The following ZNF717 variants were observed in gnomAD, a reference collection of about 807,000 sequenced individuals.
The protein encoded by ZNF717 is zinc finger protein 717.
Under a neutral mutation model 13.8 loss-of-function variants are expected in ZNF717, and 9 were observed. The observed-to-expected ratio is 0.65, with a 90% confidence interval of 0.39 to 1.14. ZNF717 has a LOEUF of 1.14. ZNF717 is among the 50% of genes most tolerant of loss of function. The probability of loss-of-function intolerance (pLI) is 0.01; values close to 1 mark genes in which losing one functional copy is unlikely to be tolerated. For synonymous variants in ZNF717, 327 were observed against 364.1 expected, an observed-to-expected ratio of 0.90 and a Z score of 1.16; for missense variants, 1,040 against 1,080.7, an observed-to-expected ratio of 0.96 and a Z score of 0.53.
chr3:75,760,653 C>A (rs7613500), intron 2 of ZNF717, among the ~76,000 whole-genome samples: 25,210 of 133,334 alleles, frequency 0.19, 2,032 homozygotes, highest in African/African-American at 0.2. Context: ...TGAAAAGAAG[C>A]GAGATCTCAA....
intron 2 of ZNF717, among the ~76,000 whole-genome samples, chr3:75,767,062 A>G (rs141413028): frequency 0.27 from 40,839 of 149,876 alleles, 1,885 homozygotes; most frequent in Non-Finnish European, 0.35. Flanking sequence ...ACAGAAGGTG[A>G]CAAAGGTGGT....
chr3:75,724,843 A>G (rs1310432773), intron 4 of ZNF717, among the ~76,000 whole-genome samples: 2 of 152,250 alleles, frequency 1.3e-5, no homozygotes, highest in Admixed American at 1.3e-4. Flanking sequence ...TTATGATAGA[A>G]AGAGTATTAT....
rs1257100650 is a variant in ZNF717, at chr3:75,738,027, T to C, written c.1596A>G (p.Glu532=). The change falls in exon 5 of 5, where the codon GAA becomes GAG. Residue 532 remains glutamate, a synonymous_variant. Transcript: ENST00000652011. ...CACATTCGTTACATGCGTATGGTTTTTCCCCAGCATGAGTTCTCTGATGGA... is the reference window on the plus strand; with the variant it reads ...CACATTCGTTACATGCGTATGGTTTCTCCCCAGCATGAGTTCTCTGATGGA... ...LTVHQRTHAG[E]KPYACNECGK... is the part of the protein sequence containing the mutation. 6.7e-6 allele frequency: 9 copies of C among 1,342,928 alleles called. No homozygotes were observed. The highest frequency in any genetic ancestry group is 4.9e-5 in the Admixed American group (2 of 40,414). 83.2% of individuals were successfully genotyped at this position (1,342,928 alleles called of 1,614,324 possible).
At chr3:75,758,112 C>CAAAAAA (rs111361124) in intron 2 of ZNF717, among the ~76,000 whole-genome samples, 6 of 64,508 alleles carry the variant, frequency 9.3e-5, no homozygotes, top group African/African-American at 1.2e-4. Flanking sequence ...GACTCCATCT[C>CAAAAAA]AAAAAAAAAA....
chr3:75,732,223 G>T (rs1451730161), downstream of ZNF717: 1 of 687,116 alleles, frequency 1.5e-6, no homozygotes. Flanking sequence ...AGCCTAACCT[G>T]CTCTCATATA....
At chr3:75,728,131 T>C (rs1938329039), downstream of ZNF717, among the ~76,000 whole-genome samples, 3 of 152,228 alleles carry the variant, frequency 2.0e-5, no homozygotes, top group Admixed American at 6.5e-5. Flanking sequence ...CATAAACATA[T>C]ACACCATCTA....
At chr3:75,699,368 G>A (rs79318770) in intron 6 of ZNF717, among the ~76,000 whole-genome samples, 13 of 152,430 alleles carry the variant, frequency 8.5e-5, no homozygotes, top group African/African-American at 3.1e-4. Flanking sequence ...TAGTTTGGGT[G>A]TGTGTTCCCA....
At chr3:75,711,587 G>A (rs1312796050) in intron 5 of ZNF717, among the ~76,000 whole-genome samples, 1 of 152,050 alleles carries the variant, frequency 6.6e-6, no homozygotes, top group East Asian at 1.9e-4. Flanking sequence ...CTTCAACTTG[G>A]GAGTTTGAGA....
intron 2 of ZNF717, among the ~76,000 whole-genome samples, chr3:75,761,517 T>C (rs1212504987): frequency 2.0e-5 from 3 of 152,382 alleles, no homozygotes; most frequent in African/African-American, 7.2e-5. Context: ...AGTACTGGAA[T>C]TTCTACTCAG....
intron 2 of ZNF717, among the ~76,000 whole-genome samples, chr3:75,777,255 G>A (rs11713283): frequency 0.029 from 596 of 20,754 alleles, 1 homozygote; most frequent in African/African-American, 0.066. Flanking sequence ...CAATGGGAGT[G>A]ACGTGCTAAA....
downstream of ZNF717, among the ~76,000 whole-genome samples, chr3:75,733,594 C>T (rs112268389): frequency 4.4e-3 from 529 of 119,870 alleles, 4 homozygotes; most frequent in Middle Eastern, 8.4e-3. Context: ...CTGGCTAACA[C>T]GGTGAAACCC....
chr3:75,710,324 T>C (rs1937906278), exon 6 of ZNF717: 1 of 152,248 alleles, frequency 6.6e-6, no homozygotes, highest in Non-Finnish European at 1.5e-5. Context: ...CTTCTTCTTT[T>C]GTGTCTATAA....
At chr3:75,765,258 T>C (rs764197707) in intron 2 of ZNF717, among the ~76,000 whole-genome samples, 20 of 151,842 alleles carry the variant, frequency 1.3e-4, no homozygotes, top group Non-Finnish European at 2.2e-4. Context: ...TGAATGGGTA[T>C]AGAGCTTTCC....
Position 75,713,580 on chromosome 3 carries a change from G to A in ZNF717, n.668-2264C>T, listed in dbSNP as rs796829293. 4.0e-3 allele frequency among the ~76,000 whole-genome samples: 612 copies of A among 152,256 alleles called. 5 individuals carry two copies. Among genetic ancestry groups the A allele is most frequent in the African/African-American group, 0.014 (561 of 41,526 alleles). ...GAACAATTTTATAGCAATATAGAAA[G>A]TCATATGGGTATAAAAATCCATATA... On this transcript the variant is annotated intron_variant and non_coding_transcript_variant, in intron 5 of 5. Transcript: ENST00000491507.
chr3:75,720,638 TAAAC>T lies in ZNF717; in HGVS notation n.545-4101_545-4098del, dbSNP rs1480216773. On this transcript the variant is annotated intron_variant and non_coding_transcript_variant, in intron 4 of 5. Transcript: ENST00000491507. ...ACATGTACCCCTGAATCTGAAATAA[TAAAC>T]AAAATAAAAATGTTTTATTAGTCTA... is the stretch of plus-strand genomic sequence containing the variant. Among the ~76,000 whole-genome samples the T allele has an allele frequency of 3.1e-4, 44 of 141,228 alleles. No individual in the cohort carries two copies. The East Asian group carries it at 7.3e-3, about 23-fold the overall frequency. 92.7% of individuals were successfully genotyped at this position (141,228 alleles called of 152,430 possible).
At chr3:75,695,802 C>CTTTT (rs1937597121) in intron 6 of ZNF717, among the ~76,000 whole-genome samples, 1 of 152,038 alleles carries the variant, frequency 6.6e-6, no homozygotes, top group Non-Finnish European at 1.5e-5. Flanking sequence ...CATAGCAAAA[C>CTTTT]CTATGGAATA....
At chr3:75,761,082 C>T (rs200310742) in intron 2 of ZNF717, among the ~76,000 whole-genome samples, 1 of 152,102 alleles carries the variant, frequency 6.6e-6, no homozygotes, top group Non-Finnish European at 1.5e-5. Flanking sequence ...CACCATACTG[C>T]ATCATGGAGA....
At chr3:75,716,428 CAA>C (rs1270593406) in exon 5 of ZNF717, 4 of 152,096 alleles carry the variant, frequency 2.6e-5, no homozygotes, top group Non-Finnish European at 4.4e-5. Flanking sequence ...CCAGAAAAGA[CAA>C]AAAGTCTTTT....
rs1483755650 is a variant in ZNF717 at position 75,730,434 on chromosome 3, T to C, written c.*179A>G. ...AAAGGGGAGTTTTATTTCCAGGCTA[T>C]CTGCCATGATCACAGCTAGTTTGTT... On this transcript the variant is annotated 3_prime_UTR_variant, in exon 6 of 6. Coordinates refer to the ZNF717 transcript ENST00000477374. 6.3e-6 allele frequency: 3 copies of C among 479,472 alleles called. No homozygotes were observed. In the East Asian group the frequency reaches 1.0e-4, roughly 16 times the overall value. The allele number at this position is 479,472 out of a possible 1,614,324, so 29.7% of individuals were successfully genotyped here. A position where few individuals can be genotyped will look rare whatever the true frequency, so the allele number is the denominator to read the frequency against.
Sources: gnomAD v4.1 joint callset for allele counts (sites outside exome capture counted in the v4.1 genomes callset) on GRCh38, gnomAD v4.1.1 for gene constraint, MANE v1.5 for transcripts, NCBI Gene and HGNC (gene_info 2026-07-23, HGNC 2026-07-21) for gene names.